ADAMTS3: variants seen among roughly 807,000 people sequenced by gnomAD.
ADAMTS3 encodes ADAM metallopeptidase with thrombospondin type 1 motif 3.
A neutral mutation model predicts 129.0 loss-of-function variants in ADAMTS3; 73 were observed. That is an observed-to-expected ratio of 0.57 (90% CI 0.47 to 0.69). The LOEUF (loss-of-function observed/expected upper bound fraction) is 0.69, where lower values mean the gene tolerates loss of function less well. ADAMTS3 is among the 30% of genes least tolerant of loss of function. The pLI, the probability that ADAMTS3 is intolerant of heterozygous loss-of-function variation, is 0.00. For synonymous variants in ADAMTS3, 477 were observed against 510.8 expected (o/e 0.93, Z 0.89); for missense variants, 1,457 against 1,514.5 (o/e 0.96, Z 0.63).
chr4:72,297,925 A>G (rs1471346497), intron 18 of ADAMTS3, among the ~76,000 whole-genome samples: 1 of 152,172 alleles, frequency 6.6e-6, no homozygotes, highest in Admixed American at 6.6e-5. Flanking sequence ...GCAGAGAGAT[A>G]CAGAAAGCAA....
chr4:72,378,804 ATTG>A (rs1185506797), intron 4 of ADAMTS3, among the ~76,000 whole-genome samples: 1 of 152,138 alleles, frequency 6.6e-6, no homozygotes, highest in African/African-American at 2.4e-5. Context: ...TCAGGCCTCA[ATTG>A]TTGTTTTTAA....
At chr4:72,506,523 G>A (rs1358955509) in intron 3 of ADAMTS3, among the ~76,000 whole-genome samples, 1 of 152,150 alleles carries the variant, frequency 6.6e-6, no homozygotes, top group Non-Finnish European at 1.5e-5. Flanking sequence ...TGTCCATCAT[G>A]CCAGCTCACC....
chr4:72,530,087 TATA>T lies in ADAMTS3; in HGVS notation c.504+18388_504+18390del, dbSNP rs1244514633. Among the ~76,000 whole-genome samples, 124 of 44,984 alleles carry T rather than the reference TATA, an allele frequency of 2.8e-3. 56 individuals are homozygous for T. The highest frequency in any genetic ancestry group is 0.012 in the African/African-American group (120 of 10,166). The allele number at this position is 44,984 out of a possible 152,430, so 29.5% of individuals were successfully genotyped here. ...TTATATATAACATATTATATTTATATATAATATGTTATATATAACATATTATAT... is the reference window on the plus strand; with the variant it reads ...TTATATATAACATATTATATTTATATATATGTTATATATAACATATTATAT... On this transcript the variant is annotated intron_variant, in intron 3 of 21. Coordinates refer to ENST00000286657, the MANE Select transcript of ADAMTS3 (RefSeq NM_014243.3).
chr4:72,518,468 G>A (rs550080807), intron 3 of ADAMTS3, among the ~76,000 whole-genome samples: 25 of 152,218 alleles, frequency 1.6e-4, no homozygotes, highest in African/African-American at 3.6e-4. Context: ...TTGTGTGGGA[G>A]TCTAAGTCTC....
intron 3 of ADAMTS3, among the ~76,000 whole-genome samples, chr4:72,481,418 G>A (rs1393055455): frequency 6.6e-6 from 1 of 152,082 alleles, no homozygotes; most frequent in Non-Finnish European, 1.5e-5. Context: ...ACTTACTTCT[G>A]ACAAAGTTGC....
chr4:72,402,950 G>GGAA (rs1721961540), intron 4 of ADAMTS3, among the ~76,000 whole-genome samples: 1 of 152,086 alleles, frequency 6.6e-6, no homozygotes, highest in Non-Finnish European at 1.5e-5. Flanking sequence ...TTATATTTTA[G>GGAA]TCCCTATACC....
rs1300608228 is a variant in ADAMTS3, at chr4:72,298,784, A to T, written c.2425-342T>A. 4.0e-5 allele frequency among the ~76,000 whole-genome samples: 6 copies of T among 151,828 alleles called. No individual in the cohort carries two copies. In the East Asian group the frequency reaches 5.8e-4, roughly 15 times the overall value. ...GGATTTTAACTTTTAAGTGTAAAGA[A>T]TTATAATTAAAATTAAAGGATTAAA... On this transcript the variant is annotated intron_variant, in intron 17 of 21. Coordinates refer to ENST00000286657, the MANE Select transcript of ADAMTS3 (RefSeq NM_014243.3).
intron 3 of ADAMTS3, among the ~76,000 whole-genome samples, chr4:72,430,990 A>G (rs915712722): frequency 3.3e-5 from 5 of 152,004 alleles, no homozygotes; most frequent in African/African-American, 1.2e-4. Flanking sequence ...AGAATGGAAC[A>G]TGAACTATTA....
chr4:72,316,528 A>G (rs1187608705), intron 10 of ADAMTS3, among the ~76,000 whole-genome samples: 1 of 151,956 alleles, frequency 6.6e-6, no homozygotes, highest in Non-Finnish European at 1.5e-5. Flanking sequence ...TCTACTAAAA[A>G]CACAAAAAAA....
intron 21 of ADAMTS3, among the ~76,000 whole-genome samples, chr4:72,286,460 T>C (rs1247495516): frequency 1.3e-5 from 2 of 152,208 alleles, no homozygotes; most frequent in Non-Finnish European, 2.9e-5. Context: ...ATATTTCAGA[T>C]GAAAATTTAT....
intron 21 of ADAMTS3, among the ~76,000 whole-genome samples, chr4:72,286,362 T>C (rs768568458): frequency 6.6e-6 from 1 of 152,244 alleles, no homozygotes; most frequent in Non-Finnish European, 1.5e-5. Flanking sequence ...TTTGAGCTCT[T>C]ACATATGTCA....
intron 20 of ADAMTS3, 147 bp downstream of exon 20, chr4:72,290,707 AT>A: frequency 1.2e-6 from 1 of 813,790 alleles, no homozygotes; most frequent in Non-Finnish European, 1.9e-6. Context: ...TAAAGCATTA[AT>A]TTTTCCTAAC....
chr4:72,537,165 C>T lies in ADAMTS3; in HGVS notation c.504+11313G>A, dbSNP rs531755210. ...AGTTACCAGTACCCCAACCCTCAGC[C>T]CTGTGGCAGGCAGCTGTGCACATAT... On this transcript the variant is annotated intron_variant, in intron 3 of 21. Coordinates refer to ENST00000286657, the MANE Select transcript of ADAMTS3 (RefSeq NM_014243.3). Among the ~76,000 whole-genome samples, 3 of 152,308 alleles carry T rather than the reference C, an allele frequency of 2.0e-5. No homozygotes were observed. The South Asian group carries it at 6.2e-4, about 32-fold the overall frequency.
chr4:72,357,859 T>C (rs1720621303), intron 4 of ADAMTS3, among the ~76,000 whole-genome samples: 1 of 151,986 alleles, frequency 6.6e-6, no homozygotes, highest in Non-Finnish European at 1.5e-5. Flanking sequence ...ATAAATCTAT[T>C]CTATCATATG....
In ADAMTS3 at chr4:72,285,118, A is replaced by G. The variant is rs565494051; in HGVS notation, c.3050-1414T>C. Among the ~76,000 whole-genome samples the G allele has an allele frequency of 1.5e-4, 23 of 152,344 alleles. 2 individuals carry two copies. The South Asian group carries it at 4.8e-3, about 32-fold the overall frequency. ...ACATAACTCCCCAAAAATTGAAAAAATCCTTTTTCTAAAGTTAGAAACAAA... is the reference window on the plus strand; with the variant it reads ...ACATAACTCCCCAAAAATTGAAAAAGTCCTTTTTCTAAAGTTAGAAACAAA... On this transcript the variant is annotated intron_variant, in intron 21 of 21. Transcript: ENST00000286657.
At chr4:72,447,385 G>C (rs1299045730) in intron 3 of ADAMTS3, among the ~76,000 whole-genome samples, 2 of 151,660 alleles carry the variant, frequency 1.3e-5, no homozygotes. Context: ...TTTTCATGCA[G>C]CTAATATTGA....
chr4:72,353,735 G>T (rs1278458584), intron 4 of ADAMTS3, among the ~76,000 whole-genome samples: 20 of 152,080 alleles, frequency 1.3e-4, no homozygotes, highest in Non-Finnish European at 2.9e-5. Context: ...TGCTTAAAAT[G>T]GCTAGTGTGG....
In ADAMTS3 at chr4:72,315,973, T is replaced by C; in HGVS notation, c.1486-2A>G. The C allele has an allele frequency of 1.3e-6, 2 of 1,582,914 alleles. No individual in the cohort carries two copies. Among genetic ancestry groups the C allele is most frequent in the Non-Finnish European group, 1.7e-6 (2 of 1,156,950 alleles). The stretch of plus-strand genomic sequence containing the variant: ...TTTACATGGGTCAAAGGTTCGGAAC[T>C]GGAAGATAGATAATCAAATTGTCAG... On this transcript the variant is annotated splice_acceptor_variant, in intron 10 of 21. Transcript: ENST00000286657. LOFTEE classifies it high-confidence loss of function.
At chr4:72,424,690 T>C (rs1173694000) in intron 3 of ADAMTS3, among the ~76,000 whole-genome samples, 1 of 83,378 alleles carries the variant, frequency 1.2e-5, no homozygotes, top group African/African-American at 4.2e-5. Flanking sequence ...TACATGAGAG[T>C]CTTGGGGGAA....
Sources: allele counts gnomAD v4.1 joint callset (sites outside exome capture counted in the v4.1 genomes callset), GRCh38; gene constraint gnomAD v4.1.1; transcripts MANE v1.5; gene names NCBI Gene and HGNC (gene_info 2026-07-23, HGNC 2026-07-21).